Variants in NCOA2 observed in about 807,000 individuals in gnomAD.
The protein encoded by NCOA2 is class E basic helix-loop-helix protein 75.
Under a neutral mutation model 145.1 loss-of-function variants are expected in NCOA2, and 21 were observed. The observed-to-expected ratio is 0.14, with a 90% CI of 0.10 to 0.21. NCOA2 has a LOEUF of 0.21. Among genes scored for constraint, NCOA2 ranks in the 10% least tolerant of loss-of-function variants. NCOA2 has a pLI of 1.00. For missense variants in NCOA2, 1,472 were observed against 1,837.6 expected, an observed-to-expected ratio of 0.80 and a Z score of 3.64; for synonymous variants, 619 against 637.5, an observed-to-expected ratio of 0.97 and a Z score of 0.44.
chr8:70,159,395 G>C lies in NCOA2; in HGVS notation c.1124+110C>G, dbSNP rs183190857. 1,805 of 984,924 alleles carry C rather than the reference G, an allele frequency of 1.8e-3. 2 individuals are homozygous for C. The highest frequency in any genetic ancestry group is 2.6e-3 in the Admixed American group (109 of 41,650). 61.0% of individuals were successfully genotyped at this position (984,924 alleles called of 1,614,324 possible). A position where few individuals can be genotyped will look rare whatever the true frequency, so the allele number is the denominator to read the frequency against. ...TTTTATATTTTACATTACTGGGATT[G>C]ATGAGAAGAAATGTCTAACAAATCC... On this transcript the variant is annotated intron_variant, in intron 10 of 22. Coordinates refer to ENST00000452400, the MANE Select transcript of NCOA2 (RefSeq NM_006540.4).
chr8:70,298,932 G>A (rs1281404724), intron 1 of NCOA2, among the ~76,000 whole-genome samples: 1 of 152,030 alleles, frequency 6.6e-6, no homozygotes, highest in Non-Finnish European at 1.5e-5. Flanking sequence ...GTGGTGGCAG[G>A]CGCCTGTAGT....
At chr8:70,399,105 A>G (rs1813973781) in intron 1 of NCOA2, among the ~76,000 whole-genome samples, 1 of 152,220 alleles carries the variant, frequency 6.6e-6, no homozygotes, top group Non-Finnish European at 1.5e-5. Flanking sequence ...TAGAATCCAT[A>G]AAGATGTGTT....
At chr8:70,453,015 G>A in the NCOA2 span, among the ~76,000 whole-genome samples, 1 of 152,188 alleles carries the variant, frequency 6.6e-6, no homozygotes, top group African/African-American at 2.4e-5. Context: ...CCAGGATCAA[G>A]GTCAGACTGA....
intron 2 of NCOA2, among the ~76,000 whole-genome samples, chr8:70,249,501 G>A (rs780994975): frequency 2.6e-5 from 4 of 152,034 alleles, no homozygotes; most frequent in Non-Finnish European, 5.9e-5. Flanking sequence ...TGTGTCTCTG[G>A]GGTAGAGAGG....
intron 10 of NCOA2, among the ~76,000 whole-genome samples, chr8:70,158,898 A>G (rs1280749062): frequency 2.6e-5 from 4 of 151,940 alleles, no homozygotes; most frequent in African/African-American, 4.8e-5. Flanking sequence ...CCCTTTTTCA[A>G]TGTAATGGGC....
chr8:70,194,790 G>A (rs567557351), intron 4 of NCOA2, among the ~76,000 whole-genome samples: 25 of 150,780 alleles, frequency 1.7e-4, no homozygotes, highest in African/African-American at 4.1e-4. Context: ...ACTAAAACTC[G>A]GTGTCTCTGT....
At chr8:70,418,742 T>G in the NCOA2 span, among the ~76,000 whole-genome samples, 2 of 152,152 alleles carry the variant, frequency 1.3e-5, no homozygotes, top group African/African-American at 4.8e-5. Context: ...TATAGACCAC[T>G]TTGCTCAGAA....
rs1375207413 is a variant in NCOA2 at position 70,112,954 on chromosome 8, A to C, written c.*678T>G. ...AAAAAACAAGGAAAAAATATTTGCTAATGTTAACAGCCCTCTCACAGGCTC... is the reference window on the plus strand; with the variant it reads ...AAAAAACAAGGAAAAAATATTTGCTCATGTTAACAGCCCTCTCACAGGCTC... On this transcript the variant is annotated 3_prime_UTR_variant, in exon 23 of 23. Transcript: ENST00000452400. 1 of 198,180 alleles carries C rather than the reference A, an allele frequency of 5.0e-6. No homozygotes were observed. Among genetic ancestry groups the C allele is most frequent in the Admixed American group, 6.1e-5 (1 of 16,494 alleles). 12.3% of individuals were successfully genotyped at this position (198,180 alleles called of 1,614,324 possible).
At chr8:70,349,473 A>G (rs1175478899) in intron 1 of NCOA2, among the ~76,000 whole-genome samples, 3 of 152,112 alleles carry the variant, frequency 2.0e-5, no homozygotes, top group African/African-American at 7.2e-5. Context: ...AAAAAAAGCA[A>G]AACTGTATAA....
the NCOA2 span, among the ~76,000 whole-genome samples, chr8:70,456,132 T>C: frequency 5.7e-3 from 871 of 151,866 alleles, 10 homozygotes; most frequent in African/African-American, 0.02. Context: ...CTAGTCTTGA[T>C]TGTACCACCT....
chr8:70,123,832 G>C, intron 21 of NCOA2, 52 bp downstream of exon 21: 1 of 1,463,324 alleles, frequency 6.8e-7, no homozygotes, highest in East Asian at 2.4e-5. Flanking sequence ...TGCAGAAGTA[G>C]AAAAAAAGCC....
At chr8:70,452,307 G>T in the NCOA2 span, among the ~76,000 whole-genome samples, 3 of 152,064 alleles carry the variant, frequency 2.0e-5, no homozygotes, top group Non-Finnish European at 4.4e-5. Flanking sequence ...GTTCTCCAAA[G>T]AAATAAAAAG....
chr8:70,260,380 G>A (rs141909004), intron 2 of NCOA2, among the ~76,000 whole-genome samples: 60 of 152,072 alleles, frequency 3.9e-4, no homozygotes, highest in African/African-American at 1.3e-3. Flanking sequence ...CAATCCACCC[G>A]CCTCAGCCTC....
At chr8:70,425,179 C>G in the NCOA2 span, among the ~76,000 whole-genome samples, 3 of 152,234 alleles carry the variant, frequency 2.0e-5, no homozygotes, top group Non-Finnish European at 4.4e-5. Context: ...CATCCTTGCA[C>G]TAAGCATGAG....
At chr8:70,343,525 A>T (rs1389774251) in intron 1 of NCOA2, among the ~76,000 whole-genome samples, 1 of 151,982 alleles carries the variant, frequency 6.6e-6, no homozygotes, top group Non-Finnish European at 1.5e-5. Flanking sequence ...GGAAAAGTGA[A>T]GGCCGGACAC....
chr8:70,175,804 G>A (rs148030621), intron 4 of NCOA2, among the ~76,000 whole-genome samples: 7 of 151,808 alleles, frequency 4.6e-5, no homozygotes, highest in African/African-American at 1.4e-4. Context: ...GTAATTAAAC[G>A]TAGAAATAGA....
At chr8:70,411,386 CAAACT>C in the NCOA2 span, among the ~76,000 whole-genome samples, 1 of 152,140 alleles carries the variant, frequency 6.6e-6, no homozygotes, top group Non-Finnish European at 1.5e-5. Context: ...AAGGAATCTA[CAAACT>C]ATTAGAATTA....
At chr8:70,211,121 T>A (rs912777263) in intron 4 of NCOA2, among the ~76,000 whole-genome samples, 1 of 152,088 alleles carries the variant, frequency 6.6e-6, no homozygotes, top group African/African-American at 2.4e-5. Flanking sequence ...GATGGAGTGG[T>A]ACGCATGGGT....
chr8:70,254,938 G>A (rs1823514372), intron 2 of NCOA2, among the ~76,000 whole-genome samples: 1 of 152,134 alleles, frequency 6.6e-6, no homozygotes, highest in African/African-American at 2.4e-5. Flanking sequence ...TGTAAAAAGT[G>A]CCTCTCAAAT....
Sources: allele counts gnomAD v4.1 joint callset (sites outside exome capture counted in the v4.1 genomes callset), GRCh38; gene constraint gnomAD v4.1.1; transcripts MANE v1.5; gene names NCBI Gene and HGNC (gene_info 2026-07-23, HGNC 2026-07-21).